B3GALT1: variants seen among roughly 807,000 people sequenced by gnomAD.
B3GALT1 encodes the protein beta-1,3-galactosyltransferase 1.
B3GALT1 carries 10 observed loss-of-function variants against 23.2 expected under a neutral mutation model. That is an observed-to-expected ratio of 0.43 (90% confidence interval 0.27 to 0.73). B3GALT1 has a LOEUF of 0.73. B3GALT1 is among the 30% of genes least tolerant of loss of function. B3GALT1 has a pLI of 0.21. For synonymous variants in B3GALT1, 156 were observed against 141.5 expected (o/e 1.10, Z -0.73); for missense variants, 299 against 405.4 (o/e 0.74, Z 2.25).
intron 2 of B3GALT1, among the ~76,000 whole-genome samples, chr2:167,617,206 T>C (rs2105436484): frequency 6.6e-6 from 1 of 152,172 alleles, no homozygotes; most frequent in East Asian, 1.9e-4. Flanking sequence ...ACCATCACAT[T>C]CATCATCCAC....
At chr2:167,604,937 T>A (rs1015606658) in intron 2 of B3GALT1, among the ~76,000 whole-genome samples, 3 of 152,248 alleles carry the variant, frequency 2.0e-5, no homozygotes, top group African/African-American at 7.2e-5. Flanking sequence ...ATATATTCTC[T>A]GTCCTGCTTT....
Position 167,664,179 on chromosome 2 carries a change from T to G in B3GALT1, c.-352+17213T>G, listed in dbSNP as rs900475023. Among the ~76,000 whole-genome samples, 11 of 149,992 alleles carry G rather than the reference T, an allele frequency of 7.3e-5. 1 individual carries two copies. Among genetic ancestry groups the G allele is most frequent in the African/African-American group, 2.7e-4 (11 of 40,396 alleles). ...GGATCCAGTTTCAGCTTTCTACATA[T>G]GGCTAGCCAGTTTTCCAAGCACCAT... is the stretch of plus-strand genomic sequence containing the variant. On this transcript the variant is annotated intron_variant, in intron 3 of 4. Transcript: ENST00000392690.
At chr2:167,754,235 A>G (rs552427570) in intron 3 of B3GALT1, among the ~76,000 whole-genome samples, 3 of 152,308 alleles carry the variant, frequency 2.0e-5, no homozygotes, top group East Asian at 1.9e-4. Flanking sequence ...AAATTTTCCT[A>G]TGTTACTTGA....
chr2:167,463,093 C>G (rs1699288840), intron 1 of B3GALT1, among the ~76,000 whole-genome samples: 1 of 151,984 alleles, frequency 6.6e-6, no homozygotes, highest in Non-Finnish European at 1.5e-5. Flanking sequence ...ATCTTTCTTG[C>G]AAAATCTTTC....
intron 1 of B3GALT1, among the ~76,000 whole-genome samples, chr2:167,434,593 G>A (rs1698750444): frequency 6.6e-6 from 1 of 150,946 alleles, no homozygotes; most frequent in Non-Finnish European, 1.5e-5. Flanking sequence ...TGTGTATTAG[G>A]GTATAAATCG....
intron 3 of B3GALT1, among the ~76,000 whole-genome samples, chr2:167,735,617 G>GAT (rs1255733410): frequency 2.0e-5 from 3 of 152,108 alleles, no homozygotes; most frequent in Admixed American, 6.5e-5. Flanking sequence ...TACAGATATA[G>GAT]ATATATATAG....
chr2:167,315,857 G>T (rs1696708465), intron 1 of B3GALT1, among the ~76,000 whole-genome samples: 1 of 152,050 alleles, frequency 6.6e-6, no homozygotes, highest in Admixed American at 6.5e-5. Context: ...GATATAATAG[G>T]ATATGTTTTG....
At chr2:167,588,311 A>T (rs1684614667) in intron 2 of B3GALT1, among the ~76,000 whole-genome samples, 1 of 152,212 alleles carries the variant, frequency 6.6e-6, no homozygotes, top group Non-Finnish European at 1.5e-5. Context: ...TTCATCAACA[A>T]ATTAAGCTGT....
rs138994574 is a variant in B3GALT1, at chr2:167,417,741, C to T, written c.-510-72436C>T. The stretch of plus-strand genomic sequence containing the variant: ...TATAATTTCACTTCACCCATCAGGC[C>T]CAGTGAGTCACAGACTATTATAATA... On this transcript the variant is annotated intron_variant, in intron 1 of 4. Coordinates refer to ENST00000392690, the MANE Select transcript of B3GALT1 (RefSeq NM_020981.4). Among the ~76,000 whole-genome samples the T allele has an allele frequency of 2.2e-3, 339 of 152,198 alleles. 1 individual carries two copies. The highest frequency in any genetic ancestry group is 4.0e-3 in the Non-Finnish European group (269 of 68,012).
rs577517147 is a variant in B3GALT1 at position 167,822,416 on chromosome 2, A to G, written c.-230+3623A>G. Among the ~76,000 whole-genome samples, 147 of 152,292 alleles carry G rather than the reference A, an allele frequency of 9.7e-4. 1 individual carries two copies. Among genetic ancestry groups the G allele is most frequent in the Admixed American group, 1.2e-3 (19 of 15,302 alleles). ...CACAGTCTTGAAAGTAGAAGTTTCCATGACATTAAAATTCTTACACAGCGC... is the reference window on the plus strand; with the variant it reads ...CACAGTCTTGAAAGTAGAAGTTTCCGTGACATTAAAATTCTTACACAGCGC... On this transcript the variant is annotated intron_variant, in intron 4 of 4. Coordinates refer to ENST00000392690, the MANE Select transcript of B3GALT1 (RefSeq NM_020981.4).
intron 3 of B3GALT1, among the ~76,000 whole-genome samples, chr2:167,677,341 A>C: frequency 6.6e-6 from 1 of 152,244 alleles, no homozygotes; most frequent in East Asian, 1.9e-4. Context: ...ACTATTTTTA[A>C]GGAACAGATT....
In B3GALT1 at chr2:167,536,751, A is replaced by G. The variant is rs1683435323; in HGVS notation, c.-410+46474A>G. Among the ~76,000 whole-genome samples, 5 of 152,150 alleles carry G rather than the reference A, an allele frequency of 3.3e-5. No individual in the cohort carries two copies. The South Asian group carries it at 6.2e-4, about 19-fold the overall frequency. ...AGAGGTAAGACTCCTGAAGGAACCA[A>G]TGTACCCAGGCCCCTCCACTCTGCT... On this transcript the variant is annotated intron_variant, in intron 2 of 4. Coordinates refer to ENST00000392690, the MANE Select transcript of B3GALT1 (RefSeq NM_020981.4).
intron 2 of B3GALT1, among the ~76,000 whole-genome samples, chr2:167,645,791 G>A (rs1034887649): frequency 8.6e-5 from 13 of 151,784 alleles, no homozygotes; most frequent in African/African-American, 3.1e-4. Flanking sequence ...GGCTGGTCTC[G>A]AACTCCTGAC....
intron 3 of B3GALT1, among the ~76,000 whole-genome samples, chr2:167,812,369 A>T (rs1043229727): frequency 2.0e-5 from 3 of 152,352 alleles, no homozygotes; most frequent in South Asian, 2.1e-4. Context: ...AAAGGCAGAG[A>T]CCTAAAGCTG....
At chr2:167,474,331 AT>A (rs1294580745) in intron 1 of B3GALT1, among the ~76,000 whole-genome samples, 5 of 152,148 alleles carry the variant, frequency 3.3e-5, no homozygotes, top group Non-Finnish European at 5.9e-5. Context: ...CATTTAGCAC[AT>A]TTACAATCTT....
intron 2 of B3GALT1, among the ~76,000 whole-genome samples, chr2:167,644,883 A>T (rs901345928): frequency 6.6e-6 from 1 of 151,768 alleles, no homozygotes; most frequent in African/African-American, 2.4e-5. Context: ...CCCTCTTTCC[A>T]GAATTTGCCA....
At chr2:167,535,471 G>C (rs1408158223) in intron 2 of B3GALT1, among the ~76,000 whole-genome samples, 1 of 152,068 alleles carries the variant, frequency 6.6e-6, no homozygotes, top group Non-Finnish European at 1.5e-5. Context: ...GAAAATTCAA[G>C]CTTGGTCAGC....
rs2105451106 is a variant in B3GALT1 at position 167,872,447 on chromosome 2, C to T, written c.*2427C>T. Reference sequence around the variant, plus strand: ...TTAGGTAACCTGGGGAGAGATGGATCAGCACAAGGTGAACCACCCTCCAAC... The same window carrying T: ...TTAGGTAACCTGGGGAGAGATGGATTAGCACAAGGTGAACCACCCTCCAAC... On this transcript the variant is annotated 3_prime_UTR_variant, in exon 5 of 5. Coordinates refer to ENST00000392690, the MANE Select transcript of B3GALT1 (RefSeq NM_020981.4). 1 of 152,308 alleles carries T rather than the reference C, an allele frequency of 6.6e-6. No homozygotes were observed. The highest frequency in any genetic ancestry group is 2.1e-4 in the South Asian group (1 of 4,826). 9.4% of individuals were successfully genotyped at this position (152,308 alleles called of 1,614,324 possible). A position where few individuals can be genotyped will look rare whatever the true frequency, so the allele number is the denominator to read the frequency against.
intron 3 of B3GALT1, among the ~76,000 whole-genome samples, chr2:167,742,218 A>C (rs1156539187): frequency 1.3e-5 from 2 of 152,312 alleles, no homozygotes; most frequent in East Asian, 3.9e-4. Context: ...CTTTAAGTGT[A>C]GTCTTTATCC....
Sources: gnomAD v4.1 joint callset for allele counts (sites outside exome capture counted in the v4.1 genomes callset) on GRCh38, gnomAD v4.1.1 for gene constraint, MANE v1.5 for transcripts, NCBI Gene and HGNC (gene_info 2026-07-23, HGNC 2026-07-21) for gene names.